TRPM1: variants seen among roughly 807,000 people sequenced by gnomAD.
TRPM1 encodes transient receptor potential cation channel subfamily M member 1, also known as TRPM1-203 APA Isoform, Intron 10.
TRPM1 carries 113 observed loss-of-function variants against 149.4 expected under a neutral mutation model. The ratio of observed to expected loss-of-function variants is 0.76; its 90% CI spans 0.65 to 0.88. The LOEUF (loss-of-function observed/expected upper bound fraction) is 0.88. Ranked by LOEUF, TRPM1 falls within the 40% of genes least tolerant of loss-of-function variation. The pLI is 0.00. For missense variants in TRPM1, 1,976 were observed against 2,038.7 expected (o/e 0.97, Z 0.59); for synonymous variants, 741 against 759.5 (o/e 0.98, Z 0.40).
intron 1 of TRPM1, among the ~76,000 whole-genome samples, chr15:31,147,376 G>A (rs897554251): frequency 6.6e-6 from 1 of 152,174 alleles, no homozygotes; most frequent in African/African-American, 2.4e-5. Flanking sequence ...TTTCAGTCGG[G>A]GTTCTAAAAT....
At chr15:31,080,655 GC>G (rs1381620867) in intron 2 of TRPM1, among the ~76,000 whole-genome samples, 6 of 12,934 alleles carry the variant, frequency 4.6e-4, no homozygotes, top group Non-Finnish European at 8.8e-4. Flanking sequence ...CCTCGACCCC[GC>G]CCCCTCACCC....
At chr15:31,019,269 C>T (rs1212613509) in intron 27 of TRPM1, among the ~76,000 whole-genome samples, 5 of 152,230 alleles carry the variant, frequency 3.3e-5, no homozygotes, top group African/African-American at 7.2e-5. Flanking sequence ...CTTCTTCATA[C>T]AGGGCTGCCT....
intron 1 of TRPM1, among the ~76,000 whole-genome samples, chr15:31,160,142 G>A (rs1293947478): frequency 6.6e-6 from 1 of 152,196 alleles, no homozygotes; most frequent in African/African-American, 2.4e-5. Flanking sequence ...CCCACTGCAT[G>A]CGAGGGGCAG....
In TRPM1 at chr15:31,161,085, C is replaced by T. The variant is rs528979190; in HGVS notation, c.-126G>A. ...CACTCGGCGGCAGCCCCACACTCGG[C>T]GGCAGCCCCACGCACTGGGCGAGGG... On this transcript the variant is annotated 5_prime_UTR_variant, in exon 1 of 27. Transcript: ENST00000542188. The T allele has an allele frequency of 7.6e-5, 74 of 972,296 alleles. 2 individuals carry two copies. In the South Asian group the frequency reaches 8.1e-4, roughly 11 times the overall value. The allele number at this position is 972,296 out of a possible 1,614,324, so 60.2% of individuals were successfully genotyped here.
rs774889847 is a variant in TRPM1 at position 31,026,161 on chromosome 15, G to A, written c.3607C>T (p.Arg1203Cys). The change falls in exon 27 of 28, where the codon CGC becomes TGC. Residue 1203 changes from arginine (R) to cysteine (C), a missense_variant. Transcript: ENST00000256552. ...EDEQQSSSDE[R>C]IRVTSERVEN... ...TACCTTTCAGAAGTGACCCGGATGC[G>A]CTCGTCGCTGGACGACTGCTGCTCA... 2.5e-6 allele frequency: 4 copies of A among 1,611,852 alleles called. No homozygotes were observed. The highest frequency in any genetic ancestry group is 1.3e-5 in the African/African-American group (1 of 74,934).
rs200669105 is a variant in TRPM1 at position 31,041,948 on chromosome 15, A to C, written c.2087+3T>G. ...GGCCTTTAAATCCCCGCTAGACACT[A>C]ACTTGGAATTGTTATCCAAGTCCTG... On this transcript the variant is annotated splice_donor_region_variant and intron_variant, in intron 17 of 27. Coordinates refer to ENST00000256552, the MANE Select transcript of TRPM1 (RefSeq NM_001252024.2). 102 of 1,614,098 alleles carry C rather than the reference A, an allele frequency of 6.3e-5. No individual in the cohort carries two copies. In the African/African-American group the frequency reaches 1.3e-3, roughly 20 times the overall value.
chr15:31,119,286 A>G (rs2035845003), intron 1 of TRPM1, among the ~76,000 whole-genome samples: 1 of 152,124 alleles, frequency 6.6e-6, no homozygotes, highest in Non-Finnish European at 1.5e-5. Flanking sequence ...TTATCTATAG[A>G]GGAACAAGGG....
intron 1 of TRPM1, among the ~76,000 whole-genome samples, chr15:31,127,322 CAAAGGCCTACCAG>C (rs920744306): frequency 1.2e-4 from 19 of 152,126 alleles, no homozygotes; most frequent in African/African-American, 4.6e-4. Context: ...TCAGAGTGGC[CAAAGGCCTACCAG>C]TCCCCAGGGG....
chr15:31,048,311 G>A (rs1033664243), intron 13 of TRPM1, among the ~76,000 whole-genome samples: 1 of 152,026 alleles, frequency 6.6e-6, no homozygotes, highest in African/African-American at 2.4e-5. Flanking sequence ...TGAACTCTTC[G>A]AGCAAAATCC....
chr15:31,066,326 T>C (rs764339303), intron 6 of TRPM1, 79 bp from the exon 7 acceptor site: 129 of 1,493,900 alleles, frequency 8.6e-5, no homozygotes, highest in Non-Finnish European at 1.2e-4. Flanking sequence ...ACAATACATA[T>C]GTGTGGAGTG....
At chr15:31,103,108 G>A (rs2035548018), upstream of TRPM1, among the ~76,000 whole-genome samples, 1 of 152,220 alleles carries the variant, frequency 6.6e-6, no homozygotes, top group South Asian at 2.1e-4. Context: ...GGGAGGTGTG[G>A]AGGCTCTGTG....
exon 1 of TRPM1, chr15:31,160,965 T>C (rs1819862759): frequency 6.5e-7 from 1 of 1,535,462 alleles, no homozygotes; most frequent in South Asian, 1.2e-5. Context: ...CTCATCTCTC[T>C]CAGTGAGCCT....
intron 11 of TRPM1, among the ~76,000 whole-genome samples, chr15:31,051,068 C>T (rs751088477): frequency 2.6e-5 from 4 of 152,172 alleles, no homozygotes; most frequent in South Asian, 4.1e-4. Flanking sequence ...TGGATGTAAA[C>T]GTAAACTGGA....
Position 31,158,700 on chromosome 15 carries a change from G to A in TRPM1, c.54+2206C>T, listed in dbSNP as rs574226594. The stretch of plus-strand genomic sequence containing the variant: ...AGCTACTCCATAGACAGAGTAGGAC[G>A]TTCCCAAAAGTAAAAGGAGGAACAC... On this transcript the variant is annotated intron_variant, in intron 1 of 26. Coordinates refer to the TRPM1 transcript ENST00000542188. Among the ~76,000 whole-genome samples, 7 of 151,558 alleles carry A rather than the reference G, an allele frequency of 4.6e-5. No individual in the cohort carries two copies. The East Asian group carries it at 7.8e-4, about 17-fold the overall frequency.
chr15:31,037,811 C>G lies in TRPM1; in HGVS notation c.2471G>C (p.Gly824Ala). 4 of 1,614,174 alleles carry G rather than the reference C, an allele frequency of 2.5e-6. No homozygotes were observed. Among genetic ancestry groups the G allele is most frequent in the Non-Finnish European group, 3.4e-6 (4 of 1,180,030 alleles). The change falls in exon 20 of 28, where the codon GGG becomes GCG. Residue 824 changes from glycine (G) to alanine (A), a missense_variant. This residue lies in a region of TRPM1 where 1,332 missense variants were observed against 1,347.1 expected (regional missense o/e 0.99). Coordinates refer to ENST00000256552, the MANE Select transcript of TRPM1 (RefSeq NM_001252024.2). ...DANADAGSRK[G>A]DEENEHKKQR... ...TTTTTTGTGCTCGTTCTCCTCATCCCCCTTTCTTGAGCCAGCATCTGCATT... is the reference window on the plus strand; with the variant it reads ...TTTTTTGTGCTCGTTCTCCTCATCCGCCTTTCTTGAGCCAGCATCTGCATT...
intron 1 of TRPM1, among the ~76,000 whole-genome samples, chr15:31,147,537 T>C (rs2036237667): frequency 6.6e-6 from 1 of 152,222 alleles, no homozygotes; most frequent in Admixed American, 6.5e-5. Flanking sequence ...GCAGCTGTCC[T>C]GTGGCTACAC....
rs548388557 is a variant in TRPM1, at chr15:31,113,716, A to G, written c.55-36732T>C. 2.6e-5 allele frequency among the ~76,000 whole-genome samples: 4 copies of G among 152,204 alleles called. No individual in the cohort carries two copies. The East Asian group carries it at 5.8e-4, about 22-fold the overall frequency. On this transcript the variant is annotated intron_variant, in intron 1 of 26. Coordinates refer to the TRPM1 transcript ENST00000542188. The stretch of plus-strand genomic sequence containing the variant: ...GCCCATAGTTAGTTCATTCCGGTGG[A>G]TTTCTGGTCCCACCGCCTTTAAGAA...
At chr15:31,091,603 G>A (rs2035242334) in intron 1 of TRPM1, among the ~76,000 whole-genome samples, 1 of 152,144 alleles carries the variant, frequency 6.6e-6, no homozygotes, top group African/African-American at 2.4e-5. Context: ...TGACCGGGTG[G>A]GAGTGGTCCT....
chr15:31,112,211 C>T (rs578126119), intron 1 of TRPM1, among the ~76,000 whole-genome samples: 1 of 152,146 alleles, frequency 6.6e-6, no homozygotes, highest in Non-Finnish European at 1.5e-5. Flanking sequence ...TGGCTGGGAG[C>T]TGTGGCTCAT....
Sources: allele counts gnomAD v4.1 joint callset (sites outside exome capture counted in the v4.1 genomes callset), GRCh38; gene constraint gnomAD v4.1.1; regional missense constraint gnomAD v4.1.1; transcripts MANE v1.5; gene names NCBI Gene and HGNC (gene_info 2026-07-23, HGNC 2026-07-21).